The following DOCK2 variants were observed in gnomAD, a reference collection of about 807,000 sequenced individuals.
DOCK2 encodes dedicator of cytokinesis protein 2.
Under a neutral mutation model 248.9 loss-of-function variants are expected in DOCK2, and 87 were observed. The observed-to-expected ratio is 0.35, with a 90% CI of 0.29 to 0.42. The LOEUF (loss-of-function observed/expected upper bound fraction) is 0.42, where lower values mean the gene tolerates loss of function less well. DOCK2 is among the 10% of genes least tolerant of loss of function. DOCK2 has a pLI of 1.00. For synonymous variants in DOCK2, 805 were observed against 821.6 expected, an observed-to-expected ratio of 0.98 and a Z score of 0.35; for missense variants, 1,747 against 2,300.2, an observed-to-expected ratio of 0.76 and a Z score of 4.92.
At chr5:169,671,209 C>CAATCTTCAG in intron 5 of DOCK2, 35 bp downstream of exon 5, 1 of 1,586,162 alleles carries the variant, frequency 6.3e-7, no homozygotes, top group Non-Finnish European at 8.6e-7. Flanking sequence ...GAGTTGGAAG[C>CAATCTTCAG]TTCTTGCAAT....
chr5:169,940,415 A>G (rs1776193013), intron 27 of DOCK2, among the ~76,000 whole-genome samples: 1 of 152,256 alleles, frequency 6.6e-6, no homozygotes, highest in Admixed American at 6.5e-5. Flanking sequence ...TTCGTGGAAG[A>G]CAATTTTTCC....
At chr5:170,013,946 G>A (rs1194939359) in intron 32 of DOCK2, among the ~76,000 whole-genome samples, 4 of 152,074 alleles carry the variant, frequency 2.6e-5, no homozygotes, top group African/African-American at 4.8e-5. Flanking sequence ...TGACAGTTGC[G>A]AAGGGGAAAT....
rs781239677 is a variant in DOCK2 at position 169,671,191 on chromosome 5, T to A, written c.321+17T>A. On this transcript the variant is annotated intron_variant, in intron 5 of 51. Transcript: ENST00000520908. The stretch of plus-strand genomic sequence containing the variant: ...CTCTATGTGGTGAGACTCAGAACTC[T>A]GCTCCCTGAGTTGGAAGCTTCTTGC... 2 of 1,602,782 alleles carry A rather than the reference T, an allele frequency of 1.2e-6. No individual in the cohort carries two copies. Among genetic ancestry groups the A allele is most frequent in the Non-Finnish European group, 1.7e-6 (2 of 1,170,826 alleles).
At chr5:170,036,335 A>G (rs1459248796) in intron 35 of DOCK2, among the ~76,000 whole-genome samples, 180 bp from the exon 36 acceptor site, 1 of 152,224 alleles carries the variant, frequency 6.6e-6, no homozygotes, top group African/African-American at 2.4e-5. Flanking sequence ...TCAAAGCAGA[A>G]TCTTCCAATT....
At chr5:169,748,019 T>C (rs1203791228) in intron 23 of DOCK2, among the ~76,000 whole-genome samples, 1 of 152,214 alleles carries the variant, frequency 6.6e-6, no homozygotes, top group Non-Finnish European at 1.5e-5. Flanking sequence ...ATGAAGAGGC[T>C]GTTTCAGGGA....
chr5:169,957,472 A>G (rs1275107704), intron 27 of DOCK2, among the ~76,000 whole-genome samples: 2 of 152,192 alleles, frequency 1.3e-5, no homozygotes, highest in Non-Finnish European at 1.5e-5. Flanking sequence ...ACAGCCCTGT[A>G]AGGAGAAGTA....
Position 169,670,354 on chromosome 5 carries a change from C to G in DOCK2, c.169-188C>G, listed in dbSNP as rs1211358370. ...ACTGATGGAGAACTGGAGGGAAAGC[C>G]AGATCTAAACAAGTAGATTTAGAAT... On this transcript the variant is annotated intron_variant, in intron 3 of 51. Coordinates refer to ENST00000520908, the MANE Select transcript of DOCK2 (RefSeq NM_004946.3). 2.0e-5 allele frequency among the ~76,000 whole-genome samples: 3 copies of G among 152,116 alleles called. No homozygotes were observed. The East Asian group carries it at 5.8e-4, about 29-fold the overall frequency.
rs455097 is a variant in DOCK2, at chr5:169,704,789, G to A, written c.1383+2362G>A. Among the ~76,000 whole-genome samples the A allele has an allele frequency of 3.8e-3, 559 of 148,126 alleles. 5 individuals are homozygous for A. Among genetic ancestry groups the A allele is most frequent in the South Asian group, 0.012 (57 of 4,654 alleles). On this transcript the variant is annotated intron_variant, in intron 14 of 51. Coordinates refer to ENST00000520908, the MANE Select transcript of DOCK2 (RefSeq NM_004946.3). ...TGTGTGTGTGTGTGTGTGTGTGTGT[G>A]TGTGTGTGTGTGTGTGTATGTGTAT...
rs1761943468 is a variant in DOCK2, at chr5:169,716,931, T to C, written c.2032-453T>C. 2.0e-5 allele frequency among the ~76,000 whole-genome samples: 3 copies of C among 152,144 alleles called. No homozygotes were observed. In the South Asian group the frequency reaches 6.2e-4, roughly 32 times the overall value. On this transcript the variant is annotated intron_variant, in intron 20 of 51. Coordinates refer to ENST00000520908, the MANE Select transcript of DOCK2 (RefSeq NM_004946.3). ...ATGGATATTTGCATTTTTAAAGAGG[T>C]TACTGAGAGACAACTGTGGCTTAAT...
At chr5:169,751,725 A>C (rs1763904410) in intron 23 of DOCK2, among the ~76,000 whole-genome samples, 1 of 152,180 alleles carries the variant, frequency 6.6e-6, no homozygotes, top group Non-Finnish European at 1.5e-5. Flanking sequence ...GCAGCAGCTC[A>C]CCAAGACCAC....
chr5:169,794,581 A>G (rs958709189), intron 25 of DOCK2, among the ~76,000 whole-genome samples: 1 of 152,216 alleles, frequency 6.6e-6, no homozygotes, highest in Non-Finnish European at 1.5e-5. Flanking sequence ...AATTATATTT[A>G]TAATCAGTGT....
chr5:169,728,074 G>A lies in DOCK2; in HGVS notation c.2267+9283G>A, dbSNP rs186108755. On this transcript the variant is annotated intron_variant, in intron 22 of 51. Coordinates refer to ENST00000520908, the MANE Select transcript of DOCK2 (RefSeq NM_004946.3). ...ATAAAGGTTTACAGATGAGGAGATG[G>A]CCAGAACTAATTGAATGTAGGAATG... is the stretch of plus-strand genomic sequence containing the variant. 1.8e-3 allele frequency among the ~76,000 whole-genome samples: 271 copies of A among 152,232 alleles called. 3 individuals are homozygous for A. Among genetic ancestry groups the A allele is most frequent in the Admixed American group, 3.1e-3 (47 of 15,278 alleles).
chr5:170,025,507 A>G (rs1755870099), intron 33 of DOCK2, among the ~76,000 whole-genome samples: 1 of 152,204 alleles, frequency 6.6e-6, no homozygotes, highest in African/African-American at 2.4e-5. Flanking sequence ...CCAAGATGGC[A>G]GAGGGAAGCG....
chr5:169,644,323 G>A (rs905317648), intron 1 of DOCK2, among the ~76,000 whole-genome samples: 8 of 152,182 alleles, frequency 5.3e-5, no homozygotes, highest in African/African-American at 7.2e-5. Context: ...GGCAGCAACA[G>A]TGATAACTCA....
chr5:169,995,472 A>C (rs761283874), intron 29 of DOCK2, among the ~76,000 whole-genome samples: 23 of 152,384 alleles, frequency 1.5e-4, no homozygotes, highest in Admixed American at 4.6e-4. Context: ...ATCCATCAAT[A>C]AGAAATGGAT....
intron 26 of DOCK2, among the ~76,000 whole-genome samples, chr5:169,808,998 T>C (rs1344700019): frequency 6.6e-6 from 1 of 152,040 alleles, no homozygotes; most frequent in Non-Finnish European, 1.5e-5. Flanking sequence ...TTCTGATTTT[T>C]TTTTTTTCTT....
chr5:169,807,456 T>C (rs539842718), intron 26 of DOCK2, among the ~76,000 whole-genome samples: 1 of 152,286 alleles, frequency 6.6e-6, no homozygotes, highest in Non-Finnish European at 1.5e-5. Context: ...TCCTTTAGTA[T>C]TCACTGGAAA....
At chr5:169,955,448 C>T (rs556486349) in intron 27 of DOCK2, among the ~76,000 whole-genome samples, 3 of 152,238 alleles carry the variant, frequency 2.0e-5, no homozygotes, top group South Asian at 2.1e-4. Flanking sequence ...CTGGACAGTA[C>T]GTGCTGTCAC....
At chr5:169,915,805 A>T (rs375245079) in intron 27 of DOCK2, among the ~76,000 whole-genome samples, 1 of 152,212 alleles carries the variant, frequency 6.6e-6, no homozygotes, top group East Asian at 1.9e-4. Context: ...GATATCCCAA[A>T]ACTGAGCTGG....
Sources: gnomAD v4.1 joint callset for allele counts (sites outside exome capture counted in the v4.1 genomes callset) on GRCh38, gnomAD v4.1.1 for gene constraint, MANE v1.5 for transcripts, NCBI Gene and HGNC (gene_info 2026-07-23, HGNC 2026-07-21) for gene names.